Variants in CADPS observed in about 807,000 individuals in gnomAD.
The protein encoded by CADPS is calcium-dependent secretion activator 1.
Under a neutral mutation model 167.3 loss-of-function variants are expected in CADPS, and 57 were observed. That is an observed-to-expected ratio of 0.34 (90% CI 0.28 to 0.42). The LOEUF (loss-of-function observed/expected upper bound fraction) is 0.42. Among genes scored for constraint, CADPS ranks in the 20% least tolerant of loss-of-function variants. The probability of loss-of-function intolerance (pLI) is 1.00; values close to 1 mark genes in which losing one functional copy is unlikely to be tolerated. For synonymous variants in CADPS, 676 were observed against 635.3 expected (o/e 1.06, Z -0.96); for missense variants, 1,414 against 1,738.1 (o/e 0.81, Z 3.32).
At chr3:62,639,484 C>T (rs963498403) in intron 6 of CADPS, among the ~76,000 whole-genome samples, 1 of 152,056 alleles carries the variant, frequency 6.6e-6, no homozygotes, top group Middle Eastern at 3.2e-3. Context: ...ATAGACCATG[C>T]TCAGGCGCTC....
intron 17 of CADPS, chr3:62,499,663 T>C (rs1336138018): frequency 3.2e-5 from 5 of 154,260 alleles, no homozygotes; most frequent in African/African-American, 1.2e-4. Context: ...TGCTGTTACA[T>C]TTGTTTTTTA....
chr3:62,655,101 A>G (rs2071214624), intron 4 of CADPS, among the ~76,000 whole-genome samples: 1 of 152,172 alleles, frequency 6.6e-6, no homozygotes, highest in African/African-American at 2.4e-5. Flanking sequence ...GAACTTGGAC[A>G]GTTCCTAATG....
chr3:62,457,053 C>A (rs1194428383), intron 26 of CADPS, among the ~76,000 whole-genome samples: 1 of 151,956 alleles, frequency 6.6e-6, no homozygotes, highest in Non-Finnish European at 1.5e-5. Flanking sequence ...TTTTTTTAAA[C>A]CTATCTCTAC....
At chr3:62,691,189 G>A (rs1485021492) in intron 3 of CADPS, among the ~76,000 whole-genome samples, 3 of 152,004 alleles carry the variant, frequency 2.0e-5, no homozygotes, top group Non-Finnish European at 4.4e-5. Flanking sequence ...TGAAAAGGCA[G>A]AGAACAGAGG....
chr3:62,823,148 A>G (rs1173910200), intron 1 of CADPS, among the ~76,000 whole-genome samples: 1 of 152,188 alleles, frequency 6.6e-6, no homozygotes, highest in East Asian at 1.9e-4. Flanking sequence ...TGTGACAGCT[A>G]ATGAGAAAAC....
At chr3:62,795,652 C>G (rs1335771650) in intron 1 of CADPS, among the ~76,000 whole-genome samples, 1 of 152,166 alleles carries the variant, frequency 6.6e-6, no homozygotes. Flanking sequence ...AAGTGCCAGA[C>G]ATTGGAGGTC....
chr3:62,736,294 G>A (rs2078983608), intron 3 of CADPS, among the ~76,000 whole-genome samples: 1 of 152,128 alleles, frequency 6.6e-6, no homozygotes. Context: ...GAAAGATACT[G>A]CACGACCTGA....
chr3:62,542,505 A>C (rs2075847382), intron 11 of CADPS, among the ~76,000 whole-genome samples: 2 of 152,122 alleles, frequency 1.3e-5, no homozygotes, highest in South Asian at 4.1e-4. Flanking sequence ...GGAATAGTCA[A>C]GTAACCAGGG....
intron 9 of CADPS, among the ~76,000 whole-genome samples, chr3:62,559,975 A>ATT (rs112423113): frequency 2.1e-5 from 3 of 141,500 alleles, no homozygotes; most frequent in African/African-American, 5.2e-5. Flanking sequence ...GGGCTTTTTA[A>ATT]TTTTTTTTTT....
intron 28 of CADPS, among the ~76,000 whole-genome samples, chr3:62,406,178 A>G (rs539689476): frequency 2.6e-5 from 4 of 152,322 alleles, no homozygotes; most frequent in African/African-American, 9.6e-5. Flanking sequence ...GCGTTCAGGG[A>G]TATCACATTG....
At chr3:62,451,789 A>C (rs957088755) in intron 26 of CADPS, among the ~76,000 whole-genome samples, 1 of 152,140 alleles carries the variant, frequency 6.6e-6, no homozygotes, top group Admixed American at 6.5e-5. Flanking sequence ...TGGCCTTTGA[A>C]ATTTCTGCTG....
chr3:62,642,004 G>A (rs780789342), intron 6 of CADPS, among the ~76,000 whole-genome samples: 27 of 152,054 alleles, frequency 1.8e-4, no homozygotes, highest in Admixed American at 2.6e-4. Flanking sequence ...ACTGATAAAA[G>A]GAGGTGAAGG....
chr3:62,518,864 G>A (rs573728653), intron 13 of CADPS, among the ~76,000 whole-genome samples: 3 of 152,028 alleles, frequency 2.0e-5, no homozygotes, highest in African/African-American at 4.8e-5. Context: ...TATAACTACC[G>A]ATGTTCAGAT....
At position 62,734,698 on chromosome 3, in the gene CADPS, T is replaced by C. The variant is rs529094124; in HGVS notation, c.888+18743A>G. ...TATTGTATGGCTATGCCATAGTTTG[T>C]CCATTCTACTACTGATAGATATTTA... On this transcript the variant is annotated intron_variant, in intron 3 of 29. Coordinates refer to ENST00000383710, the MANE Select transcript of CADPS (RefSeq NM_003716.4). Among the ~76,000 whole-genome samples, 4 of 152,304 alleles carry C rather than the reference T, an allele frequency of 2.6e-5. No homozygotes were observed. In the South Asian group the frequency reaches 8.3e-4, roughly 32 times the overall value.
intron 18 of CADPS, among the ~76,000 whole-genome samples, chr3:62,496,073 C>CTTT (rs56913608): frequency 7.1e-6 from 1 of 140,600 alleles, no homozygotes; most frequent in African/African-American, 2.6e-5. Context: ...CTTTTCTTTT[C>CTTT]TTTTTTTTTT....
At chr3:62,534,779 A>G (rs1183011838) in intron 12 of CADPS, among the ~76,000 whole-genome samples, 1 of 152,188 alleles carries the variant, frequency 6.6e-6, no homozygotes, top group African/African-American at 2.4e-5. Context: ...GTCCTTTTTA[A>G]TTTCTGTTAT....
rs527782874 is a variant in CADPS, at chr3:62,703,593, A to G, written c.889-41199T>C. 7.2e-5 allele frequency among the ~76,000 whole-genome samples: 11 copies of G among 152,220 alleles called. No homozygotes were observed. The South Asian group carries it at 2.3e-3, about 32-fold the overall frequency. ...GTGGGATTAGTGGCAAGTTGAAGAG[A>G]AAAATCTTAGAAGTGACATGCCCTG... is the stretch of plus-strand genomic sequence containing the variant. On this transcript the variant is annotated intron_variant, in intron 3 of 29. Coordinates refer to ENST00000383710, the MANE Select transcript of CADPS (RefSeq NM_003716.4).
In CADPS at chr3:62,438,118, C is replaced by G; in HGVS notation, c.3763G>C (p.Glu1255Gln). Residue 1255 changes from glutamate (E) to glutamine (Q), a missense_variant, in exon 28 of 30, where the codon GAA becomes CAA. Coordinates refer to ENST00000383710, the MANE Select transcript of CADPS (RefSeq NM_003716.4). This position sits in a 1 kb window ranked among gnomAD's most constrained non-coding sequence, Gnocchi z 4.7. Reference protein sequence around the residue: ...RDKVNEEMYIERLFDQWYNSS... With the variant: ...RDKVNEEMYIQRLFDQWYNSS... The stretch of plus-strand genomic sequence containing the variant: ...CATTTACTTACATCAAATAACCTTT[C>G]TATGTACATCTCCTCATTGACCTTA... 2 of 1,611,864 alleles carry G rather than the reference C, an allele frequency of 1.2e-6. No homozygotes were observed. The highest frequency in any genetic ancestry group is 1.7e-5 in the Admixed American group (1 of 59,964).
intron 3 of CADPS, among the ~76,000 whole-genome samples, chr3:62,670,336 C>T (rs953536118): frequency 2.6e-5 from 4 of 152,114 alleles, no homozygotes; most frequent in Non-Finnish European, 4.4e-5. Flanking sequence ...ACATGGAGTT[C>T]GGTCTCCCAT....
Sources: allele counts gnomAD v4.1 joint callset (sites outside exome capture counted in the v4.1 genomes callset), GRCh38; gene constraint gnomAD v4.1.1; non-coding constraint Gnocchi (gnomAD v3.1); transcripts MANE v1.5; gene names NCBI Gene and HGNC (gene_info 2026-07-23, HGNC 2026-07-21).